APAF1: variants seen among roughly 807,000 people sequenced by gnomAD.
The protein encoded by APAF1 is apoptotic peptidase activating factor 1.
In APAF1, 91 loss-of-function variants were observed where a neutral mutation model predicts 152.4. The observed-to-expected ratio is 0.60, with a 90% CI of 0.50 to 0.71. The LOEUF is 0.71. Among genes scored for constraint, APAF1 ranks in the 30% least tolerant of loss-of-function variants. The pLI, the probability that APAF1 is intolerant of heterozygous loss-of-function variation, is 0.00. For missense variants in APAF1, 1,283 were observed against 1,472.0 expected (o/e 0.87, Z 2.10); for synonymous variants, 484 against 494.1 (o/e 0.98, Z 0.27).
chr12:98,688,470 C>CT (rs66619012), intron 16 of APAF1, among the ~76,000 whole-genome samples: 29 of 97,278 alleles, frequency 3.0e-4, no homozygotes, highest in African/African-American at 4.4e-4. Flanking sequence ...TGTTTTCTTT[C>CT]TTTTTTTTTT....
At chr12:98,646,839 T>G (rs898296477) in intron 1 of APAF1, among the ~76,000 whole-genome samples, 6 of 152,216 alleles carry the variant, frequency 3.9e-5, no homozygotes, top group Non-Finnish European at 8.8e-5. Context: ...CTATAAAGGC[T>G]GTTATTCTTT....
intron 24 of APAF1, 32 bp from the exon 25 acceptor site, chr12:98,725,383 A>G (rs2153344675): frequency 6.2e-7 from 1 of 1,613,730 alleles, no homozygotes; most frequent in Non-Finnish European, 8.5e-7. Context: ...GAGTGTTTAT[A>G]GCATTGCTAA....
At chr12:98,683,762 G>A (rs999548364) in intron 15 of APAF1, among the ~76,000 whole-genome samples, 62 of 152,328 alleles carry the variant, frequency 4.1e-4, no homozygotes, top group African/African-American at 1.4e-3. Flanking sequence ...GATTGTCCAA[G>A]GGTCACAAGT....
At chr12:98,670,443 TG>T (rs1593046033) in intron 10 of APAF1, among the ~76,000 whole-genome samples, 2 of 152,118 alleles carry the variant, frequency 1.3e-5, no homozygotes, top group East Asian at 3.8e-4. Flanking sequence ...TTTTTCTTAC[TG>T]TTTTATTAGA....
intron 18 of APAF1, among the ~76,000 whole-genome samples, chr12:98,705,039 C>T (rs912910645): frequency 6.6e-6 from 1 of 152,116 alleles, no homozygotes; most frequent in Admixed American, 6.6e-5. Flanking sequence ...CTGCCTCAGC[C>T]TCCCAAAGTG....
chr12:98,705,191 A>G (rs563692514), intron 18 of APAF1, among the ~76,000 whole-genome samples: 1 of 152,218 alleles, frequency 6.6e-6, no homozygotes, highest in East Asian at 1.9e-4. Flanking sequence ...TGTCACTTCT[A>G]AAGTCCTTAC....
intron 22 of APAF1, among the ~76,000 whole-genome samples, chr12:98,719,613 A>G (rs1315787443): frequency 2.0e-5 from 3 of 151,668 alleles, no homozygotes; most frequent in East Asian, 1.9e-4. Flanking sequence ...CAGCCTCCCA[A>G]AGTGCTGGGA....
intron 16 of APAF1, among the ~76,000 whole-genome samples, chr12:98,698,557 T>G (rs1218469931): frequency 2.0e-5 from 3 of 152,262 alleles, no homozygotes; most frequent in African/African-American, 7.2e-5. Flanking sequence ...TTTCTTAGTA[T>G]ATATAATACT....
intron 23 of APAF1, 50 bp downstream of exon 23, chr12:98,723,362 A>G (rs947232694): frequency 4.4e-6 from 7 of 1,575,230 alleles, no homozygotes; most frequent in East Asian, 2.2e-5. Flanking sequence ...TCATATTGCA[A>G]TGATTATATT....
chr12:98,695,381 G>C (rs568243504), intron 16 of APAF1, among the ~76,000 whole-genome samples: 42 of 145,100 alleles, frequency 2.9e-4, no homozygotes, highest in African/African-American at 1.1e-3. Flanking sequence ...TTTTGAGACA[G>C]GGTCTCACTC....
Position 98,665,636 on chromosome 12 carries a change from A to G in APAF1, c.1039A>G (p.Asn347Asp), listed in dbSNP as rs763265874. The G allele has an allele frequency of 3.7e-6, 6 of 1,613,926 alleles. No homozygotes were observed. The East Asian group carries it at 1.3e-4, about 36-fold the overall frequency. ...RWEYYLKQLQ[N>D]KQFKRIRKSS... ...GGAGTACTACCTCAAACAGCTTCAG[A>G]ATAAGCAGTTTAAGAGAATAAGGAA... Residue 347 changes from asparagine (N) to aspartate (D), a missense_variant, in exon 8 of 27, where the codon AAT becomes GAT. Physicochemically the swap from Asn to Asp is conservative, Grantham distance 23. Transcript: ENST00000551964.
chr12:98,722,702 G>C (rs965491752), intron 22 of APAF1, among the ~76,000 whole-genome samples: 2 of 152,156 alleles, frequency 1.3e-5, no homozygotes, highest in Non-Finnish European at 2.9e-5. Flanking sequence ...TGCGATGGGG[G>C]ATAGCTGAGA....
chr12:98,714,321 A>G (rs534035777), intron 21 of APAF1, among the ~76,000 whole-genome samples: 1 of 152,346 alleles, frequency 6.6e-6, no homozygotes, highest in East Asian at 1.9e-4. Context: ...ATAATGAACC[A>G]TGTGAAATTA....
At chr12:98,655,600 C>T (rs1042581601) in intron 4 of APAF1, among the ~76,000 whole-genome samples, 2 of 152,118 alleles carry the variant, frequency 1.3e-5, no homozygotes, top group African/African-American at 4.8e-5. Context: ...TTTGCTTTCT[C>T]CTAAATTCTT....
At chr12:98,659,035 A>C in intron 4 of APAF1, 125 bp from the exon 5 acceptor site, 1 of 934,104 alleles carries the variant, frequency 1.1e-6, no homozygotes, top group East Asian at 2.5e-5. Flanking sequence ...TTCTACTCTA[A>C]ATCAAGAGAA....
At chr12:98,659,646 G>A (rs887929240) in intron 5 of APAF1, among the ~76,000 whole-genome samples, 3 of 151,786 alleles carry the variant, frequency 2.0e-5, no homozygotes, top group Non-Finnish European at 4.4e-5. Context: ...CAGCTGCTCA[G>A]GAGGCTGAGG....
intron 12 of APAF1, among the ~76,000 whole-genome samples, chr12:98,674,738 A>G (rs2097684750): frequency 6.6e-6 from 1 of 152,228 alleles, no homozygotes. Context: ...GCCTAATGGT[A>G]GTATTTTATA....
intron 3 of APAF1, chr12:98,649,204 C>T: frequency 4.1e-6 from 4 of 983,524 alleles, no homozygotes; most frequent in Non-Finnish European, 4.8e-6. Flanking sequence ...TCCCAGTCTT[C>T]AATATGAGAG....
At chr12:98,676,992 T>A (rs2097687294) in intron 12 of APAF1, among the ~76,000 whole-genome samples, 1 of 152,162 alleles carries the variant, frequency 6.6e-6, no homozygotes, top group Admixed American at 6.6e-5. Context: ...GGTGTTTCCT[T>A]CAGTTAGGAA....
Sources: allele counts gnomAD v4.1 joint callset (sites outside exome capture counted in the v4.1 genomes callset), GRCh38; gene constraint gnomAD v4.1.1; transcripts MANE v1.5; gene names NCBI Gene and HGNC (gene_info 2026-07-23, HGNC 2026-07-21).